The following USP34 variants were observed in gnomAD, a reference collection of about 807,000 sequenced individuals.
USP34 encodes ubiquitin specific peptidase 34.
USP34 carries 70 observed loss-of-function variants against 460.3 expected under a neutral mutation model. The observed-to-expected ratio is 0.15, with a 90% CI of 0.13 to 0.19. The LOEUF is 0.19. Among genes scored for constraint, USP34 ranks in the 10% least tolerant of loss-of-function variants. The probability of loss-of-function intolerance (pLI) is 1.00; values close to 1 mark genes in which losing one functional copy is unlikely to be tolerated. For synonymous variants in USP34, 1,647 were observed against 1,405.3 expected (o/e 1.17, Z -3.85); for missense variants, 3,985 against 4,236.2 (o/e 0.94, Z 1.65).
Position 61,206,093 on chromosome 2 carries a change from C to G in USP34, c.9078G>C (p.Glu3026Asp). ...ACAGTTTATGGGCAAATTCAATTCGCTCCTGCCACTGGATTAATGCTTGTT... is the reference window on the plus strand; with the variant it reads ...ACAGTTTATGGGCAAATTCAATTCGGTCCTGCCACTGGATTAATGCTTGTT... ...DVKQALIQWQ[E>D]RIEFAHKLLT... The change falls in exon 72 of 80, where the codon GAG (glutamate) becomes GAC (aspartate). Residue 3026 changes from glutamate to aspartate, a missense_variant. Around this residue, in one of 14 missense-constraint regions of USP34, gnomAD observed 275 missense variants for 292.7 expected, o/e 0.94. Coordinates refer to ENST00000398571, the MANE Select transcript of USP34 (RefSeq NM_014709.4). 6.2e-7 allele frequency: 1 copy of G among 1,613,748 alleles called. No homozygotes were observed. The highest frequency in any genetic ancestry group is 2.2e-5 in the East Asian group (1 of 44,814).
rs761285420 is a variant in USP34, at chr2:61,405,885, T to C, written c.375A>G (p.Lys125=). ...STERQKSIEK[K]SNSTRICNLT... is the part of the protein sequence containing the mutation. Reference sequence around the variant, plus strand: ...GATTACAAATTCTTGTAGAGTTTGATTTTTTTTCTATTGATTTTTGTCTTT... The same window carrying C: ...GATTACAAATTCTTGTAGAGTTTGACTTTTTTTCTATTGATTTTTGTCTTT... The change falls in exon 3 of 80, where the codon AAA becomes AAG. Residue 125 remains lysine (K), a synonymous_variant. Coordinates refer to ENST00000398571, the MANE Select transcript of USP34 (RefSeq NM_014709.4). 19 of 1,613,466 alleles carry C rather than the reference T, an allele frequency of 1.2e-5. No individual in the cohort carries two copies. The Middle Eastern group carries it at 4.9e-4, about 42-fold the overall frequency.
At chr2:61,234,697 G>A (rs775827373) in intron 57 of USP34, among the ~76,000 whole-genome samples, 15 of 152,166 alleles carry the variant, frequency 9.9e-5, no homozygotes, top group Non-Finnish European at 2.9e-5. Context: ...CTGGAGTGCA[G>A]TGGTGTGATC....
chr2:61,303,301 G>A (rs956287896), intron 27 of USP34, among the ~76,000 whole-genome samples: 8 of 152,004 alleles, frequency 5.3e-5, no homozygotes, highest in African/African-American at 1.5e-4. Context: ...CTTGACCTCC[G>A]GTGATCCGCC....
At chr2:61,460,096 CT>C (rs1344691384) in intron 1 of USP34, among the ~76,000 whole-genome samples, 1 of 152,028 alleles carries the variant, frequency 6.6e-6, no homozygotes, top group Admixed American at 6.6e-5. Flanking sequence ...TTTATGTTGG[CT>C]TTTTTTGAGC....
intron 20 of USP34, among the ~76,000 whole-genome samples, chr2:61,328,517 C>T (rs1045402588): frequency 3.3e-5 from 5 of 152,016 alleles, no homozygotes; most frequent in African/African-American, 1.2e-4. Flanking sequence ...TGTTTTACAG[C>T]CTGAAGGAAT....
At chr2:61,238,202 T>C (rs1202976080) in intron 53 of USP34, among the ~76,000 whole-genome samples, 1 of 152,140 alleles carries the variant, frequency 6.6e-6, no homozygotes, top group Non-Finnish European at 1.5e-5. Flanking sequence ...AGCCTTACCC[T>C]AGCTATTTTC....
intron 2 of USP34, among the ~76,000 whole-genome samples, chr2:61,408,358 G>A (rs1191216034): frequency 6.6e-6 from 1 of 151,954 alleles, no homozygotes; most frequent in Non-Finnish European, 1.5e-5. Context: ...TTAAGATATA[G>A]TACTACTTTT....
chr2:61,313,862 G>A (rs959705275), intron 25 of USP34, among the ~76,000 whole-genome samples: 1 of 151,958 alleles, frequency 6.6e-6, no homozygotes, highest in Non-Finnish European at 1.5e-5. Flanking sequence ...AATATCACTT[G>A]TATCACTTCA....
chr2:61,194,639 C>T (rs1435950491), intron 75 of USP34, among the ~76,000 whole-genome samples: 1 of 152,178 alleles, frequency 6.6e-6, no homozygotes, highest in African/African-American at 2.4e-5. Flanking sequence ...GCTAAGACTG[C>T]AGGCTGGGAC....
At chr2:61,371,281 A>T (rs1183225300) in intron 8 of USP34, among the ~76,000 whole-genome samples, 1 of 152,198 alleles carries the variant, frequency 6.6e-6, no homozygotes, top group Non-Finnish European at 1.5e-5. Flanking sequence ...CAGTCATATA[A>T]AAGTATAGCA....
intron 27 of USP34, among the ~76,000 whole-genome samples, chr2:61,307,201 A>G (rs1384242834): frequency 1.3e-5 from 2 of 152,026 alleles, no homozygotes; most frequent in African/African-American, 4.8e-5. Flanking sequence ...CATTCTCAGC[A>G]AACTATCACA....
intron 2 of USP34, among the ~76,000 whole-genome samples, chr2:61,411,629 T>TA (rs1558579057): frequency 6.6e-6 from 1 of 152,200 alleles, no homozygotes; most frequent in African/African-American, 2.4e-5. Flanking sequence ...TGTCATCTTT[T>TA]GTCCCATGAT....
At chr2:61,424,667 A>G (rs545851077) in intron 1 of USP34, among the ~76,000 whole-genome samples, 2 of 152,298 alleles carry the variant, frequency 1.3e-5, no homozygotes, top group South Asian at 2.1e-4. Flanking sequence ...CTTGAGCCCA[A>G]GAGTTCAACA....
At chr2:61,412,261 G>C (rs1694063379) in intron 2 of USP34, among the ~76,000 whole-genome samples, 2 of 139,194 alleles carry the variant, frequency 1.4e-5, no homozygotes, top group Admixed American at 1.5e-4. Flanking sequence ...AAGAAATTTA[G>C]AGGAAACAGA....
In USP34 at chr2:61,259,814, A is replaced by T. The variant is rs781084891; in HGVS notation, c.5779-38T>A. ...AGAAAACACCATTAAAAACACAGAC[A>T]TGATGGTAGTAAATTAGGCATTCTA... On this transcript the variant is annotated intron_variant, in intron 43 of 79. Coordinates refer to ENST00000398571, the MANE Select transcript of USP34 (RefSeq NM_014709.4). The T allele has an allele frequency of 2.5e-5, 39 of 1,585,680 alleles. 1 individual carries two copies. In the South Asian group the frequency reaches 3.4e-4, roughly 14 times the overall value.
chr2:61,412,024 C>T (rs1334637325), intron 2 of USP34, among the ~76,000 whole-genome samples: 3 of 151,406 alleles, frequency 2.0e-5, no homozygotes, highest in Non-Finnish European at 4.4e-5. Context: ...ACCCCGTCTC[C>T]ACTAAAAATA....
intron 1 of USP34, among the ~76,000 whole-genome samples, chr2:61,442,832 G>C (rs1380154286): frequency 2.0e-5 from 3 of 151,096 alleles, no homozygotes; most frequent in African/African-American, 7.3e-5. Flanking sequence ...ATTCACAGTA[G>C]CCAAGATACA....
At position 61,235,863 on chromosome 2, in the gene USP34, A is replaced by G. The variant is rs1688053897; in HGVS notation, c.7014T>C (p.Asn2338=). 1.2e-6 allele frequency: 2 copies of G among 1,613,580 alleles called. No homozygotes were observed. The highest frequency in any genetic ancestry group is 1.7e-6 in the Non-Finnish European group (2 of 1,179,876). The change falls in exon 57 of 80, where the codon AAT becomes AAC. Residue 2338 remains asparagine, a synonymous_variant. Transcript: ENST00000398571. ...WIELLTKQFN[N]SQAACEWFLD... ...ACCTTACCTCACAAGCTGCCTGACT[A>G]TTATTAAACTGTTTCGTCAACAGTT...
chr2:61,344,588 TAC>T (rs1338677050), intron 15 of USP34, among the ~76,000 whole-genome samples: 1 of 152,198 alleles, frequency 6.6e-6, no homozygotes, highest in Non-Finnish European at 1.5e-5. Flanking sequence ...GTACCATTAA[TAC>T]ACAGAATATG....
Sources: allele counts gnomAD v4.1 joint callset (sites outside exome capture counted in the v4.1 genomes callset), GRCh38; gene constraint gnomAD v4.1.1; regional missense constraint gnomAD v4.1.1; transcripts MANE v1.5; gene names NCBI Gene and HGNC (gene_info 2026-07-23, HGNC 2026-07-21).